Variants in ITPRID1 observed in about 807,000 individuals in gnomAD.
ITPRID1 encodes the protein protein ITPRID1.
In ITPRID1, 96 loss-of-function variants were observed where a neutral mutation model predicts 95.4. The ratio of observed to expected loss-of-function variants is 1.01; its 90% CI spans 0.85 to 1.19. The LOEUF is 1.19. Among genes scored for constraint, ITPRID1 ranks in the 50% most tolerant of loss-of-function variants. ITPRID1 has a pLI of 0.00. For missense variants in ITPRID1, 1,339 were observed against 1,252.9 expected, an observed-to-expected ratio of 1.07 and a Z score of -1.04; for synonymous variants, 510 against 453.6, an observed-to-expected ratio of 1.12 and a Z score of -1.58.
At chr7:31,529,740 A>G (rs1225980882) in intron 1 of ITPRID1, 6 of 1,531,876 alleles carry the variant, frequency 3.9e-6, no homozygotes, top group Non-Finnish European at 5.2e-6. Context: ...GGAGACAAAA[A>G]GGCACAGAAG....
chr7:31,621,419 C>T (rs1263526564), intron 10 of ITPRID1, among the ~76,000 whole-genome samples: 4 of 79,886 alleles, frequency 5.0e-5, no homozygotes, highest in Admixed American at 1.4e-4. Flanking sequence ...CGGCAGAAAC[C>T]CTACAAGCCA....
At position 31,575,586 on chromosome 7, in the gene ITPRID1, G is replaced by A. The variant is rs1785152204; in HGVS notation, c.598+844G>A. ...CAAGGTGCACTTTCAGCCTCCTAGAGGGGATGCAGTGCAGCATTTCAAAAC... is the reference window on the plus strand; with the variant it reads ...CAAGGTGCACTTTCAGCCTCCTAGAAGGGATGCAGTGCAGCATTTCAAAAC... On this transcript the variant is annotated intron_variant, in intron 8 of 14. Transcript: ENST00000615280. Among the ~76,000 whole-genome samples, 5 of 152,188 alleles carry A rather than the reference G, an allele frequency of 3.3e-5. No individual in the cohort carries two copies. The South Asian group carries it at 1.0e-3, about 32-fold the overall frequency.
intron 1 of ITPRID1, 43 bp downstream of exon 1, chr7:31,514,163 T>C (rs217150): frequency 6.6e-6 from 1 of 152,172 alleles, no homozygotes; most frequent in East Asian, 1.9e-4. Flanking sequence ...ATCATCTGCT[T>C]TGAGGGATAA....
intron 10 of ITPRID1, among the ~76,000 whole-genome samples, chr7:31,601,701 A>C (rs1246445222): frequency 6.6e-6 from 1 of 152,200 alleles, no homozygotes; most frequent in East Asian, 1.9e-4. Flanking sequence ...TGTGGAGGTA[A>C]AAAGGGACTC....
chr7:31,568,965 A>T (rs1784891822), intron 5 of ITPRID1, among the ~76,000 whole-genome samples: 1 of 152,230 alleles, frequency 6.6e-6, no homozygotes, highest in Non-Finnish European at 1.5e-5. Flanking sequence ...TGTTAAGTGG[A>T]GATCAATAAT....
chr7:31,658,700 G>C, downstream of ITPRID1: 1 of 165,894 alleles, frequency 6.0e-6, no homozygotes, highest in South Asian at 1.8e-4. Flanking sequence ...CCCAAACTCA[G>C]CCTCTAATTG....
At chr7:31,601,923 T>G (rs1786410286) in intron 10 of ITPRID1, among the ~76,000 whole-genome samples, 1 of 152,186 alleles carries the variant, frequency 6.6e-6, no homozygotes, top group African/African-American at 2.4e-5. Context: ...TTGAGTCCAA[T>G]TGCTTAATTT....
At chr7:31,525,720 T>G (rs1041751770) in intron 1 of ITPRID1, among the ~76,000 whole-genome samples, 1 of 152,190 alleles carries the variant, frequency 6.6e-6, no homozygotes, top group Non-Finnish European at 1.5e-5. Context: ...GAAGCATTGT[T>G]AAAATGAAAC....
intron 1 of ITPRID1, among the ~76,000 whole-genome samples, chr7:31,523,430 A>G (rs948960479): frequency 7.2e-5 from 11 of 152,330 alleles, no homozygotes; most frequent in African/African-American, 2.6e-4. Context: ...AGTAACTCCC[A>G]ACTAAACTGA....
chr7:31,525,673 A>G (rs1437073777), intron 1 of ITPRID1, among the ~76,000 whole-genome samples: 2 of 152,176 alleles, frequency 1.3e-5, no homozygotes, highest in Non-Finnish European at 2.9e-5. Context: ...AGCATGCATG[A>G]TGTGTCAAAT....
chr7:31,652,369 G>C, intron 14 of ITPRID1, 149 bp from the exon 15 acceptor site: 2 of 1,264,710 alleles, frequency 1.6e-6, no homozygotes, highest in Non-Finnish European at 2.1e-6. Context: ...GCCAATATAA[G>C]CTAAGTCACT....
In ITPRID1 at chr7:31,626,485, A is replaced by G. The variant is rs549096963; in HGVS notation, c.1229-15691A>G. Among the ~76,000 whole-genome samples the G allele has an allele frequency of 1.5e-3, 222 of 152,248 alleles. 2 individuals carry two copies. Among genetic ancestry groups the G allele is most frequent in the African/African-American group, 5.3e-3 (220 of 41,566 alleles). On this transcript the variant is annotated intron_variant, in intron 10 of 14. Coordinates refer to ENST00000615280, the MANE Select transcript of ITPRID1 (RefSeq NM_001257967.3). ...ACTATATTTCTGTTTGCATTTTACT[A>G]TTTCCTTTCTGTAGTATGCTTCCCT...
At chr7:31,629,650 A>T (rs139903497) in intron 10 of ITPRID1, among the ~76,000 whole-genome samples, 506 of 152,298 alleles carry the variant, frequency 3.3e-3, no homozygotes, top group Non-Finnish European at 4.9e-3. Flanking sequence ...GTCCATAGAG[A>T]ATGTTTTCCT....
intron 10 of ITPRID1, among the ~76,000 whole-genome samples, chr7:31,625,785 G>A (rs1788409415): frequency 6.6e-6 from 1 of 151,240 alleles, no homozygotes; most frequent in Admixed American, 6.6e-5. Context: ...AAAAAAAACA[G>A]TTAAAGAATT....
chr7:31,554,313 C>T (rs1784377587), intron 3 of ITPRID1, 162 bp from the exon 4 acceptor site: 1 of 1,272,172 alleles, frequency 7.9e-7, no homozygotes, highest in East Asian at 2.7e-5. Flanking sequence ...TCATGGAAAA[C>T]AGGAGATTTT....
At chr7:31,638,225 G>A (rs1789673522) in intron 10 of ITPRID1, among the ~76,000 whole-genome samples, 1 of 152,170 alleles carries the variant, frequency 6.6e-6, no homozygotes, top group Non-Finnish European at 1.5e-5. Flanking sequence ...AAAGGAAACT[G>A]AAAAGTTTTA....
rs761283475 is a variant in ITPRID1 at position 31,643,299 on chromosome 7, C to T, written c.1929C>T (p.Ile643=). ...TACCAGAAAGCTCATCACAGTGTAT[C>T]CCCAAGCACAGTGAAATCACACCTT... ...LLVPESSSQC[I]PKHSEITPYA... Residue 643 remains isoleucine, a synonymous_variant, in exon 12 of 15, where the codon ATC becomes ATT. Transcript: ENST00000615280. 1.2e-6 allele frequency: 2 copies of T among 1,613,716 alleles called. No homozygotes were observed. The highest frequency in any genetic ancestry group is 2.7e-5 in the African/African-American group (2 of 74,908).
chr7:31,538,324 T>G (rs968568349), intron 1 of ITPRID1, among the ~76,000 whole-genome samples: 1 of 152,214 alleles, frequency 6.6e-6, no homozygotes, highest in Non-Finnish European at 1.5e-5. Context: ...ATAATGCTCT[T>G]TTTCCCCTAA....
chr7:31,565,582 A>G (rs1784770381), intron 5 of ITPRID1, among the ~76,000 whole-genome samples: 1 of 151,966 alleles, frequency 6.6e-6, no homozygotes, highest in African/African-American at 2.4e-5. Flanking sequence ...CTAAAAATAC[A>G]AAAAAATTAG....
Sources: gnomAD v4.1 joint callset for allele counts (sites outside exome capture counted in the v4.1 genomes callset) on GRCh38, gnomAD v4.1.1 for gene constraint, MANE v1.5 for transcripts, NCBI Gene and HGNC (gene_info 2026-07-23, HGNC 2026-07-21) for gene names.